PNLIPRP3: variants seen among roughly 807,000 people sequenced by gnomAD.
PNLIPRP3 encodes the protein pancreatic lipase-related protein 3.
Under a neutral mutation model 52.8 loss-of-function variants are expected in PNLIPRP3, and 58 were observed. The ratio of observed to expected loss-of-function variants is 1.10; its 90% confidence interval spans 0.89 to 1.37. The LOEUF is 1.37. Ranked by LOEUF, PNLIPRP3 falls within the 40% of genes most tolerant of loss-of-function variation. The pLI is 0.00. For missense variants in PNLIPRP3, 593 were observed against 561.6 expected, an observed-to-expected ratio of 1.06 and a Z score of -0.57; for synonymous variants, 192 against 185.0, an observed-to-expected ratio of 1.04 and a Z score of -0.31.
chr10:116,433,079 A>C (rs1845729159), intron 1 of PNLIPRP3, among the ~76,000 whole-genome samples: 1 of 129,684 alleles, frequency 7.7e-6, no homozygotes, highest in Admixed American at 9.2e-5. Context: ...GTGCCATTGC[A>C]CTCCAGCTTG....
intron 4 of PNLIPRP3, among the ~76,000 whole-genome samples, chr10:116,451,471 G>A (rs1213457169): frequency 2.0e-5 from 3 of 152,162 alleles, no homozygotes; most frequent in Non-Finnish European, 4.4e-5. Flanking sequence ...CAAATCTTAT[G>A]TTGAAATGTG....
chr10:116,471,927 T>A (rs887486099), intron 10 of PNLIPRP3, 48 bp downstream of exon 10: 1 of 1,185,934 alleles, frequency 8.4e-7, no homozygotes, highest in Non-Finnish European at 1.2e-6. Flanking sequence ...GGGGGCTCAG[T>A]AACACTAAGT....
chr10:116,473,501 G>A (rs1846406963), intron 10 of PNLIPRP3, among the ~76,000 whole-genome samples: 1 of 152,148 alleles, frequency 6.6e-6, no homozygotes, highest in African/African-American at 2.4e-5. Flanking sequence ...CATTATATAA[G>A]TTGCTAAATT....
intron 4 of PNLIPRP3, among the ~76,000 whole-genome samples, chr10:116,451,547 G>C (rs1452071658): frequency 6.6e-6 from 1 of 152,150 alleles, no homozygotes; most frequent in Non-Finnish European, 1.5e-5. Flanking sequence ...CCCATGAATG[G>C]CTTAGTGCCA....
chr10:116,428,240 A>AT (rs1845664658), intron 1 of PNLIPRP3, among the ~76,000 whole-genome samples, 179 bp downstream of exon 1: 1 of 151,912 alleles, frequency 6.6e-6, no homozygotes, highest in African/African-American at 2.4e-5. Flanking sequence ...GTATTTATTT[A>AT]TTTTTTCACT....
intron 7 of PNLIPRP3, among the ~76,000 whole-genome samples, chr10:116,461,930 C>G (rs1170274926): frequency 4.6e-5 from 7 of 152,040 alleles, no homozygotes; most frequent in Non-Finnish European, 4.4e-5. Context: ...CAGTGAGGAG[C>G]CTGTTGTGGC....
At chr10:116,433,224 C>T (rs1845732718) in intron 1 of PNLIPRP3, among the ~76,000 whole-genome samples, 1 of 143,630 alleles carries the variant, frequency 7.0e-6, no homozygotes, top group South Asian at 2.3e-4. Flanking sequence ...ATTTTGATTG[C>T]ATAAATGCAA....
chr10:116,431,656 C>G (rs1468542124), intron 1 of PNLIPRP3, among the ~76,000 whole-genome samples: 1 of 152,198 alleles, frequency 6.6e-6, no homozygotes, highest in African/African-American at 2.4e-5. Context: ...TGCTGCCAAA[C>G]TAGTTACTGC....
At chr10:116,431,750 T>C (rs1251584591) in intron 1 of PNLIPRP3, among the ~76,000 whole-genome samples, 1 of 152,084 alleles carries the variant, frequency 6.6e-6, no homozygotes. Flanking sequence ...GCAGAGTAAG[T>C]CATTGTGGAG....
intron 10 of PNLIPRP3, 118 bp downstream of exon 10, chr10:116,471,997 G>C: frequency 1.8e-6 from 1 of 565,510 alleles, no homozygotes; most frequent in Non-Finnish European, 3.1e-6. Context: ...AGGCTACCAT[G>C]GTATCTTTGA....
At chr10:116,472,754 C>T (rs897286008) in intron 10 of PNLIPRP3, among the ~76,000 whole-genome samples, 9 of 152,210 alleles carry the variant, frequency 5.9e-5, no homozygotes, top group Admixed American at 2.0e-4. Context: ...TTCTCCTAAC[C>T]ATGTCTCCCA....
chr10:116,469,457 TTTAA>T lies in PNLIPRP3; in HGVS notation c.1060+143_1060+146del, dbSNP rs900325482. 13 of 808,420 alleles carry T rather than the reference TTTAA, an allele frequency of 1.6e-5. No homozygotes were observed. In the Admixed American group the frequency reaches 2.6e-4, roughly 16 times the overall value. The allele number at this position is 808,420 out of a possible 1,614,324, so 50.1% of individuals were successfully genotyped here. On this transcript the variant is annotated intron_variant, in intron 9 of 11. Coordinates refer to ENST00000369230, the MANE Select transcript of PNLIPRP3 (RefSeq NM_001011709.3). ...CAGTGAAGAACAACACAGTGAGGTC[TTTAA>T]TTGAGTTTAGGCTAGTGGGAAAGAC... is the stretch of plus-strand genomic sequence containing the variant.
intron 9 of PNLIPRP3, 77 bp downstream of exon 9, chr10:116,469,394 T>A: frequency 8.0e-6 from 11 of 1,369,416 alleles, no homozygotes; most frequent in South Asian, 3.1e-5. Flanking sequence ...TTATTGAGTG[T>A]CTACTAAATA....
intron 7 of PNLIPRP3, among the ~76,000 whole-genome samples, chr10:116,465,183 C>G (rs1217371618): frequency 3.3e-5 from 5 of 152,122 alleles, no homozygotes; most frequent in Non-Finnish European, 5.9e-5. Flanking sequence ...TTTTTATAGG[C>G]TCAGAATGAG....
chr10:116,468,458 C>T (rs1338185928), intron 8 of PNLIPRP3, among the ~76,000 whole-genome samples: 3 of 152,102 alleles, frequency 2.0e-5, no homozygotes, highest in South Asian at 2.1e-4. Flanking sequence ...CCTCCTTGTC[C>T]GCGTGATTCA....
chr10:116,444,974 G>C (rs1326056008), intron 4 of PNLIPRP3, among the ~76,000 whole-genome samples: 1 of 152,166 alleles, frequency 6.6e-6, no homozygotes, highest in Non-Finnish European at 1.5e-5. Flanking sequence ...TTCTCTAAAG[G>C]AATTAAATAG....
At position 116,476,500 on chromosome 10, in the gene PNLIPRP3, G is replaced by A. The variant is rs144715444; in HGVS notation, c.1173-152G>A. The A allele has an allele frequency of 1.9e-3, 947 of 506,806 alleles. 8 individuals are homozygous for A. The highest frequency in any genetic ancestry group is 0.018 in the African/African-American group (886 of 50,082). The allele number at this position is 506,806 out of a possible 1,614,324, so 31.4% of individuals were successfully genotyped here. Reference sequence around the variant, plus strand: ...CTTCAGAACCATGCTATTCTGAGATGCTGATCAATACACATGGAAAGAATA... The same window carrying A: ...CTTCAGAACCATGCTATTCTGAGATACTGATCAATACACATGGAAAGAATA... On this transcript the variant is annotated intron_variant, in intron 10 of 11. Transcript: ENST00000369230.
chr10:116,467,847 C>T (rs1039302420), intron 8 of PNLIPRP3, among the ~76,000 whole-genome samples: 6 of 151,814 alleles, frequency 4.0e-5, no homozygotes, highest in East Asian at 1.9e-4. Context: ...TAATGTCGGC[C>T]GGGCGCGGTG....
intron 10 of PNLIPRP3, among the ~76,000 whole-genome samples, chr10:116,473,093 G>A (rs1846400221): frequency 6.6e-6 from 1 of 152,224 alleles, no homozygotes; most frequent in Non-Finnish European, 1.5e-5. Flanking sequence ...TTTAAGATTT[G>A]TGAGAGCGTT....
Sources: allele counts gnomAD v4.1 joint callset (sites outside exome capture counted in the v4.1 genomes callset), GRCh38; gene constraint gnomAD v4.1.1; transcripts MANE v1.5; gene names NCBI Gene and HGNC (gene_info 2026-07-23, HGNC 2026-07-21).